Variants in FOCAD observed in about 807,000 individuals in gnomAD.
The protein encoded by FOCAD is focadhesin, also known as KIAA1797.
FOCAD carries 198 observed loss-of-function variants against 225.6 expected under a neutral mutation model. The ratio of observed to expected loss-of-function variants is 0.88; its 90% CI spans 0.78 to 0.99. The LOEUF (loss-of-function observed/expected upper bound fraction) is 0.99. Among genes scored for constraint, FOCAD ranks in the 50% least tolerant of loss-of-function variants. FOCAD has a pLI of 0.00. For missense variants in FOCAD, 2,713 were observed against 2,123.6 expected, an observed-to-expected ratio of 1.28 and a Z score of -5.46; for synonymous variants, 897 against 755.0, an observed-to-expected ratio of 1.19 and a Z score of -3.08.
intron 20 of FOCAD, among the ~76,000 whole-genome samples, chr9:20,884,036 G>C (rs1036754992): frequency 6.6e-6 from 1 of 152,152 alleles, no homozygotes; most frequent in Non-Finnish European, 1.5e-5. Flanking sequence ...ATGAGGGAAA[G>C]CTTGTCCACT....
intron 2 of FOCAD, among the ~76,000 whole-genome samples, chr9:20,659,541 G>A (rs1821647978): frequency 6.6e-6 from 1 of 152,110 alleles, no homozygotes; most frequent in South Asian, 2.1e-4. Context: ...AAAGATCATG[G>A]GAGGATATGG....
intron 5 of FOCAD, among the ~76,000 whole-genome samples, chr9:20,753,082 A>G (rs972463898): frequency 6.6e-6 from 1 of 152,112 alleles, no homozygotes; most frequent in African/African-American, 2.4e-5. Context: ...GGTTTTCTAG[A>G]TATACAATCA....
chr9:20,935,660 A>G (rs1250079499), intron 28 of FOCAD, among the ~76,000 whole-genome samples: 1 of 152,140 alleles, frequency 6.6e-6, no homozygotes, highest in Non-Finnish European at 1.5e-5. Context: ...CTGCCTCCCA[A>G]AGTGCTGGGA....
intron 39 of FOCAD, among the ~76,000 whole-genome samples, chr9:20,983,446 C>T (rs1840888491): frequency 6.6e-6 from 1 of 151,906 alleles, no homozygotes; most frequent in Non-Finnish European, 1.5e-5. Flanking sequence ...GTGGCACACA[C>T]CTGTAGTCCC....
chr9:20,859,703 T>TAA, intron 15 of FOCAD, among the ~76,000 whole-genome samples: 1 of 147,108 alleles, frequency 6.8e-6, no homozygotes, highest in Middle Eastern at 3.6e-3. Context: ...ATTATATATA[T>TAA]AATATATATA....
intron 2 of FOCAD, among the ~76,000 whole-genome samples, chr9:20,666,837 T>C (rs1821912309): frequency 1.3e-5 from 2 of 152,342 alleles, no homozygotes; most frequent in South Asian, 2.1e-4. Flanking sequence ...AGCACATCAA[T>C]TGGGGAACAT....
chr9:20,724,063 G>A (rs952018412), intron 4 of FOCAD, among the ~76,000 whole-genome samples: 3 of 152,140 alleles, frequency 2.0e-5, no homozygotes, highest in Non-Finnish European at 4.4e-5. Context: ...TCACCAAGGG[G>A]ATGGTAGTAA....
At chr9:20,872,238 T>C (rs982136682) in intron 18 of FOCAD, among the ~76,000 whole-genome samples, 2 of 152,182 alleles carry the variant, frequency 1.3e-5, no homozygotes, top group African/African-American at 4.8e-5. Flanking sequence ...ATTGATGGGT[T>C]GGTCAGTTTG....
chr9:20,857,248 C>G (rs1828277115), intron 15 of FOCAD, among the ~76,000 whole-genome samples: 2 of 151,378 alleles, frequency 1.3e-5, no homozygotes, highest in Admixed American at 1.3e-4. Context: ...TTTGTTTTTT[C>G]TGTGTGTCCT....
chr9:20,688,864 G>A (rs766632234), intron 1 of FOCAD, among the ~76,000 whole-genome samples: 1 of 152,294 alleles, frequency 6.6e-6, no homozygotes. Flanking sequence ...AATAATACTA[G>A]TTCATATGAT....
chr9:20,927,474 A>C (rs1421061560), intron 26 of FOCAD, among the ~76,000 whole-genome samples: 3 of 152,102 alleles, frequency 2.0e-5, no homozygotes, highest in Admixed American at 2.0e-4. Flanking sequence ...CTTTATGTAA[A>C]AAGTTTTGAA....
chr9:20,953,190 C>T, intron 35 of FOCAD, 125 bp downstream of exon 35: 2 of 699,124 alleles, frequency 2.9e-6, no homozygotes, highest in Non-Finnish European at 4.7e-6. Flanking sequence ...ATATTTTCGT[C>T]TGCTAAACCA....
chr9:20,939,150 C>CAAAA lies in FOCAD; in HGVS notation c.3408-5463_3408-5460dup, dbSNP rs565280892. 4.7e-4 allele frequency among the ~76,000 whole-genome samples: 34 copies of CAAAA among 72,486 alleles called. 1 individual carries two copies. Among genetic ancestry groups the CAAAA allele is most frequent in the South Asian group, 2.6e-3 (4 of 1,566 alleles). The allele number at this position is 72,486 out of a possible 152,430, so 47.6% of individuals were successfully genotyped here. ...GGGCGACAGAGCGAGACTCTCTTCT[C>CAAAA]AAAAAAAAAAAAAAAAAGAGTGTGG... On this transcript the variant is annotated intron_variant, in intron 28 of 43. Transcript: ENST00000338382.
rs534984196 is a variant in FOCAD, at chr9:20,834,968, T to C, written c.1920+11853T>C. On this transcript the variant is annotated intron_variant, in intron 15 of 43. Coordinates refer to ENST00000338382, the MANE Select transcript of FOCAD (RefSeq NM_001375567.1). ...TGGATGTATTGTGTCAAATAAAATA[T>C]ATTTAAAATAATTTTACCTTTTTTA... 8.5e-5 allele frequency among the ~76,000 whole-genome samples: 13 copies of C among 152,248 alleles called. No individual in the cohort carries two copies. In the South Asian group the frequency reaches 2.5e-3, roughly 29 times the overall value.
At chr9:20,757,308 A>G (rs1218020993) in intron 5 of FOCAD, among the ~76,000 whole-genome samples, 5 of 152,264 alleles carry the variant, frequency 3.3e-5, no homozygotes, top group Non-Finnish European at 5.9e-5. Flanking sequence ...TTAATAGTTT[A>G]AAAAGCTGAC....
chr9:20,880,399 A>C (rs956962756), intron 19 of FOCAD, among the ~76,000 whole-genome samples: 4 of 152,200 alleles, frequency 2.6e-5, no homozygotes, highest in Non-Finnish European at 5.9e-5. Flanking sequence ...ATCCTGCAAG[A>C]AGCCCTGTGT....
intron 42 of FOCAD, among the ~76,000 whole-genome samples, chr9:20,992,836 G>A (rs771307647): frequency 9.9e-5 from 15 of 152,076 alleles, no homozygotes; most frequent in African/African-American, 2.7e-4. Flanking sequence ...GGTGGTGTAC[G>A]CCTATAGTCC....
chr9:20,910,041 T>C (rs1833310108), intron 22 of FOCAD, among the ~76,000 whole-genome samples: 2 of 152,248 alleles, frequency 1.3e-5, no homozygotes, highest in South Asian at 4.1e-4. Context: ...GTCTGAGATC[T>C]GAACACTACT....
intron 15 of FOCAD, among the ~76,000 whole-genome samples, chr9:20,843,990 C>T (rs1826813816): frequency 6.6e-6 from 1 of 152,066 alleles, no homozygotes; most frequent in Admixed American, 6.6e-5. Flanking sequence ...TGAAAGACAA[C>T]CTTGGGCCAG....
Sources: gnomAD v4.1 joint callset for allele counts (sites outside exome capture counted in the v4.1 genomes callset) on GRCh38, gnomAD v4.1.1 for gene constraint, MANE v1.5 for transcripts, NCBI Gene and HGNC (gene_info 2026-07-23, HGNC 2026-07-21) for gene names.